CDH10: variants seen among roughly 807,000 people sequenced by gnomAD.
CDH10 encodes the protein cadherin 10, also known as cadherin-10.
Under a neutral mutation model 73.1 loss-of-function variants are expected in CDH10, and 30 were observed. The ratio of observed to expected loss-of-function variants is 0.41; its 90% confidence interval spans 0.31 to 0.56. The LOEUF is 0.56. Among genes scored for constraint, CDH10 ranks in the 20% least tolerant of loss-of-function variants. CDH10 has a pLI of 0.27. For missense variants in CDH10, 815 were observed against 973.7 expected (o/e 0.84, Z 2.17); for synonymous variants, 345 against 348.2 (o/e 0.99, Z 0.10).
At chr5:24,568,401 A>G (rs1345524207) in intron 2 of CDH10, among the ~76,000 whole-genome samples, 1 of 152,158 alleles carries the variant, frequency 6.6e-6, no homozygotes, top group Non-Finnish European at 1.5e-5. Flanking sequence ...AAGATACTCA[A>G]TATCACCAGT....
intron 2 of CDH10, among the ~76,000 whole-genome samples, chr5:24,546,209 TACAC>T (rs956309721): frequency 2.3e-4 from 35 of 151,758 alleles, no homozygotes; most frequent in African/African-American, 7.8e-4. Context: ...GTGTACAAAA[TACAC>T]AAACAATGCT....
intron 1 of CDH10, among the ~76,000 whole-genome samples, chr5:24,606,403 G>T (rs1288411793): frequency 3.9e-5 from 6 of 152,138 alleles, no homozygotes; most frequent in Non-Finnish European, 8.8e-5. Context: ...TTGAGGTCAG[G>T]AGTTCGAGAC....
chr5:24,557,757 C>T (rs987226530), intron 2 of CDH10, among the ~76,000 whole-genome samples: 2 of 151,756 alleles, frequency 1.3e-5, no homozygotes, highest in Middle Eastern at 3.4e-3. Flanking sequence ...GATTGTATTA[C>T]GATGTTCCAA....
intron 2 of CDH10, among the ~76,000 whole-genome samples, chr5:24,560,767 C>T (rs954188846): frequency 6.6e-6 from 1 of 152,040 alleles, no homozygotes; most frequent in Non-Finnish European, 1.5e-5. Context: ...AAAGCAACTT[C>T]AGCCTTTAAA....
At chr5:24,543,800 T>C (rs1369093385) in intron 2 of CDH10, among the ~76,000 whole-genome samples, 3 of 152,050 alleles carry the variant, frequency 2.0e-5, no homozygotes, top group Admixed American at 6.6e-5. Flanking sequence ...AATAAATAAA[T>C]AGTTATTCAT....
intron 2 of CDH10, among the ~76,000 whole-genome samples, chr5:24,591,364 G>C (rs1025540742): frequency 6.6e-5 from 10 of 151,906 alleles, no homozygotes; most frequent in Admixed American, 5.9e-4. Context: ...AGAAGTGTGA[G>C]AGTTACAACA....
intron 2 of CDH10, among the ~76,000 whole-genome samples, chr5:24,581,374 T>C (rs1745791741): frequency 6.6e-6 from 1 of 152,208 alleles, no homozygotes; most frequent in African/African-American, 2.4e-5. Context: ...ACCTTCTCCG[T>C]GAGGAAGCAT....
chr5:24,579,821 T>C (rs538454282), intron 2 of CDH10, among the ~76,000 whole-genome samples: 1 of 148,472 alleles, frequency 6.7e-6, no homozygotes, highest in South Asian at 2.2e-4. Flanking sequence ...TGGACCTAGT[T>C]CTTCTCTCAC....
intron 5 of CDH10, among the ~76,000 whole-genome samples, chr5:24,516,875 T>C (rs1272735665): frequency 2.0e-5 from 3 of 151,784 alleles, no homozygotes; most frequent in South Asian, 2.1e-4. Context: ...AATTGTTTCA[T>C]ATAGTGCAGT....
intron 2 of CDH10, among the ~76,000 whole-genome samples, chr5:24,580,423 G>C (rs1460655260): frequency 6.6e-6 from 1 of 152,016 alleles, no homozygotes; most frequent in African/African-American, 2.4e-5. Flanking sequence ...GTGTGAGATG[G>C]AATTATTGCT....
At chr5:24,510,133 T>C (rs3797170) in intron 6 of CDH10, among the ~76,000 whole-genome samples, 54,465 of 152,122 alleles carry the variant, frequency 0.36, 11,924 homozygotes, top group East Asian at 0.58. Context: ...GGATGTTGCA[T>C]GTGTTTGCGT....
chr5:24,641,698 A>T (rs1381911236), intron 1 of CDH10, among the ~76,000 whole-genome samples: 1 of 152,088 alleles, frequency 6.6e-6, no homozygotes, highest in Admixed American at 6.6e-5. Context: ...TATAACGCTT[A>T]ATCAATTTTA....
intron 10 of CDH10, 67 bp from the exon 11 acceptor site, chr5:24,491,894 G>A (rs2111643053): frequency 1.1e-5 from 10 of 891,084 alleles, no homozygotes; most frequent in South Asian, 6.1e-5. Flanking sequence ...TGATCACCAA[G>A]GTTTAACATA....
At chr5:24,556,288 T>C (rs572618853) in intron 2 of CDH10, among the ~76,000 whole-genome samples, 1 of 152,200 alleles carries the variant, frequency 6.6e-6, no homozygotes, top group East Asian at 1.9e-4. Context: ...CTTAATTCAT[T>C]TTTTCTTTAG....
intron 2 of CDH10, among the ~76,000 whole-genome samples, chr5:24,557,301 T>C (rs565021185): frequency 8.6e-5 from 13 of 151,944 alleles, no homozygotes; most frequent in Non-Finnish European, 1.8e-4. Context: ...ACTTGTATTT[T>C]ACTTTTGTTG....
intron 2 of CDH10, among the ~76,000 whole-genome samples, chr5:24,585,177 T>C (rs934424411): frequency 6.6e-4 from 100 of 152,250 alleles, no homozygotes; most frequent in African/African-American, 2.4e-3. Context: ...AATACGACTC[T>C]GAAAACCTAG....
At chr5:24,615,380 A>C (rs904521090) in intron 1 of CDH10, among the ~76,000 whole-genome samples, 39 of 152,134 alleles carry the variant, frequency 2.6e-4, no homozygotes, top group Non-Finnish European at 8.8e-5. Flanking sequence ...TATCTTGTTT[A>C]TTTTATTCAC....
In CDH10 at chr5:24,505,114, A is replaced by G. The variant is rs2111725231; in HGVS notation, c.1391T>C (p.Ile464Thr). The G allele has an allele frequency of 6.2e-7, 1 of 1,607,742 alleles. No individual in the cohort carries two copies. The highest frequency in any genetic ancestry group is 1.7e-5 in the Admixed American group (1 of 59,840). Residue 464 changes from isoleucine (I) to threonine (T), a missense_variant and splice_region_variant, in exon 8 of 12, where the codon ATC becomes ACC. Physicochemically the swap from Ile to Thr is moderately conservative, Grantham distance 89 (BLOSUM62 -1). Around this residue, in one of 3 missense-constraint regions of CDH10, gnomAD observed 516 missense variants for 636.6 expected, o/e 0.81. Transcript: ENST00000264463. The stretch of plus-strand genomic sequence containing the variant: ...TAGATACATAAAATTCATCTTACTG[A>G]TTTCAGCAGCAATAACAGTAAGATT... ...WHNLTVIAAE[I>T]NNPKETTRVA... is the part of the protein sequence containing the mutation.
chr5:24,554,587 T>A (rs545730321), intron 2 of CDH10, among the ~76,000 whole-genome samples: 1 of 152,050 alleles, frequency 6.6e-6, no homozygotes, highest in African/African-American at 2.4e-5. Context: ...TAGTTATATA[T>A]CCTATGATCC....
Sources: allele counts gnomAD v4.1 joint callset (sites outside exome capture counted in the v4.1 genomes callset), GRCh38; gene constraint gnomAD v4.1.1; regional missense constraint gnomAD v4.1.1; transcripts MANE v1.5; gene names NCBI Gene and HGNC (gene_info 2026-07-23, HGNC 2026-07-21).